MTMR7: variants seen among roughly 807,000 people sequenced by gnomAD.
MTMR7 encodes the protein phosphatidylinositol-3-phosphate phosphatase MTMR7.
MTMR7 carries 76 observed loss-of-function variants against 81.2 expected under a neutral mutation model. That is an observed-to-expected ratio of 0.94 (90% CI 0.78 to 1.13). The LOEUF (loss-of-function observed/expected upper bound fraction) is 1.13, where lower values mean the gene tolerates loss of function less well. Among genes scored for constraint, MTMR7 ranks in the 50% most tolerant of loss-of-function variants. MTMR7 has a pLI of 0.00. For synonymous variants in MTMR7, 372 were observed against 289.8 expected, an observed-to-expected ratio of 1.28 and a Z score of -2.88; for missense variants, 1,044 against 820.0, an observed-to-expected ratio of 1.27 and a Z score of -3.34.
At chr8:17,313,901 A>T (rs577033945) in intron 7 of MTMR7, among the ~76,000 whole-genome samples, 1 of 152,296 alleles carries the variant, frequency 6.6e-6, no homozygotes, top group South Asian at 2.1e-4. Context: ...AAATGATCAA[A>T]CTCCTCTTGC....
chr8:17,394,545 G>A (rs1585119251), intron 1 of MTMR7, among the ~76,000 whole-genome samples: 2 of 152,134 alleles, frequency 1.3e-5, no homozygotes, highest in East Asian at 3.9e-4. Context: ...AGAAAGGAGG[G>A]ATGACTGCTA....
intron 5 of MTMR7, among the ~76,000 whole-genome samples, chr8:17,348,296 G>T (rs900748169): frequency 6.6e-6 from 1 of 152,042 alleles, no homozygotes; most frequent in African/African-American, 2.4e-5. Context: ...CCAGCACTTT[G>T]TGAGGCCGAG....
At chr8:17,376,450 C>T (rs1820591457) in intron 1 of MTMR7, among the ~76,000 whole-genome samples, 1 of 152,164 alleles carries the variant, frequency 6.6e-6, no homozygotes, top group African/African-American at 2.4e-5. Context: ...CTTGGCTATA[C>T]TTAGGAGCAG....
At chr8:17,381,357 G>A (rs571386983) in intron 1 of MTMR7, among the ~76,000 whole-genome samples, 3 of 152,074 alleles carry the variant, frequency 2.0e-5, no homozygotes, top group Admixed American at 6.5e-5. Context: ...CTGCCTGGGC[G>A]TCAGGAAGAC....
intron 5 of MTMR7, among the ~76,000 whole-genome samples, chr8:17,346,954 G>A (rs1055950849): frequency 6.6e-6 from 1 of 150,604 alleles, no homozygotes; most frequent in Non-Finnish European, 1.5e-5. Context: ...CAGCACTTTG[G>A]GAGGCCGAGG....
chr8:17,326,361 C>T (rs1200955006), intron 7 of MTMR7: 2 of 152,200 alleles, frequency 1.3e-5, no homozygotes, highest in African/African-American at 2.4e-5. Flanking sequence ...CTTAAAAAAT[C>T]TGAACCGTGT....
chr8:17,325,969 C>A (rs142841990), intron 7 of MTMR7, among the ~76,000 whole-genome samples: 442 of 152,300 alleles, frequency 2.9e-3, no homozygotes, highest in African/African-American at 0.01. Context: ...CACTGGAAAG[C>A]ACTTTATAGT....
chr8:17,407,485 G>T (rs1342107825), intron 1 of MTMR7, among the ~76,000 whole-genome samples: 1 of 151,808 alleles, frequency 6.6e-6, no homozygotes, highest in East Asian at 1.9e-4. Flanking sequence ...TCCATCTAGG[G>T]TTCTATTCTA....
intron 1 of MTMR7, among the ~76,000 whole-genome samples, chr8:17,409,264 G>T (rs1821677148): frequency 6.6e-6 from 1 of 152,146 alleles, no homozygotes; most frequent in South Asian, 2.1e-4. Flanking sequence ...TTCAAGACCA[G>T]TCTGGCCAAC....
intron 10 of MTMR7, 129 bp from the exon 11 acceptor site, chr8:17,306,086 CAAAA>C (rs1329773222): frequency 5.5e-6 from 4 of 725,660 alleles, no homozygotes; most frequent in African/African-American, 5.4e-5. Flanking sequence ...CTTGGAATGA[CAAAA>C]AAGGTAGAAA....
At chr8:17,399,069 C>T (rs1314436826) in intron 1 of MTMR7, among the ~76,000 whole-genome samples, 1 of 151,850 alleles carries the variant, frequency 6.6e-6, no homozygotes, top group East Asian at 1.9e-4. Flanking sequence ...CGATCTGGAA[C>T]ACAGGAAGCA....
chr8:17,398,746 A>C (rs769410115), intron 1 of MTMR7, among the ~76,000 whole-genome samples: 11 of 152,232 alleles, frequency 7.2e-5, no homozygotes, highest in Non-Finnish European at 1.2e-4. Context: ...AACCAATAAA[A>C]AATGGTAACT....
chr8:17,410,025 T>A (rs1821695246), intron 1 of MTMR7, among the ~76,000 whole-genome samples: 1 of 152,142 alleles, frequency 6.6e-6, no homozygotes. Flanking sequence ...ATTCTCACTT[T>A]ATATCCTGGG....
intron 1 of MTMR7, among the ~76,000 whole-genome samples, chr8:17,386,133 T>G (rs932886236): frequency 6.6e-6 from 1 of 152,132 alleles, no homozygotes; most frequent in African/African-American, 2.4e-5. Flanking sequence ...CCCAGCACTT[T>G]GGGAGCCTGA....
chr8:17,389,774 A>C (rs1325268136), intron 1 of MTMR7, among the ~76,000 whole-genome samples: 1 of 152,160 alleles, frequency 6.6e-6, no homozygotes. Context: ...ATAAAACAAA[A>C]CTTCATCTGC....
At chr8:17,383,659 G>C (rs1237728954) in intron 1 of MTMR7, among the ~76,000 whole-genome samples, 2 of 152,222 alleles carry the variant, frequency 1.3e-5, no homozygotes, top group African/African-American at 4.8e-5. Flanking sequence ...TGTTTAACAA[G>C]TTAAATGCTC....
intron 1 of MTMR7, among the ~76,000 whole-genome samples, chr8:17,385,357 G>A (rs192765408): frequency 2.0e-5 from 3 of 152,258 alleles, no homozygotes; most frequent in Middle Eastern, 3.4e-3. Flanking sequence ...CCCGCATGCC[G>A]TGGGAGGGAC....
At chr8:17,388,739 G>A (rs949910644) in intron 1 of MTMR7, among the ~76,000 whole-genome samples, 1 of 152,086 alleles carries the variant, frequency 6.6e-6, no homozygotes, top group African/African-American at 2.4e-5. Context: ...CAGGCACAGA[G>A]AGACCCAAGT....
At chr8:17,336,462 T>A (rs928295000) in intron 6 of MTMR7, among the ~76,000 whole-genome samples, 5 of 152,062 alleles carry the variant, frequency 3.3e-5, no homozygotes. Flanking sequence ...CCAGCAAGTG[T>A]GAGACCCCCG....
Sources: gnomAD v4.1 joint callset for allele counts (sites outside exome capture counted in the v4.1 genomes callset) on GRCh38, gnomAD v4.1.1 for gene constraint, MANE v1.5 for transcripts, NCBI Gene and HGNC (gene_info 2026-07-23, HGNC 2026-07-21) for gene names.